SLIT2: variants seen among roughly 807,000 people sequenced by gnomAD.
SLIT2 encodes slit homolog 2 protein.
Under a neutral mutation model 185.7 loss-of-function variants are expected in SLIT2, and 41 were observed. The observed-to-expected ratio is 0.22, with a 90% CI of 0.17 to 0.29. The LOEUF (loss-of-function observed/expected upper bound fraction) is 0.29. Ranked by LOEUF, SLIT2 falls within the 10% of genes least tolerant of loss-of-function variation. The pLI, the probability that SLIT2 is intolerant of heterozygous loss-of-function variation, is 1.00. For synonymous variants in SLIT2, 693 were observed against 680.2 expected (o/e 1.02, Z -0.29); for missense variants, 1,571 against 1,909.0 (o/e 0.82, Z 3.30).
At chr4:20,617,733 G>GA (rs66600811) in intron 36 of SLIT2, 83 bp downstream of exon 36, 12,456 of 492,714 alleles carry the variant, frequency 0.025, no homozygotes, top group South Asian at 0.045. Context: ...GAGAAAAAGT[G>GA]AAAAAAAAAA....
intron 4 of SLIT2, among the ~76,000 whole-genome samples, chr4:20,447,890 A>G (rs1453407280): frequency 1.3e-5 from 2 of 152,208 alleles, no homozygotes; most frequent in Non-Finnish European, 2.9e-5. Flanking sequence ...TACTCATTGG[A>G]TATTTGAGGA....
chr4:20,554,864 G>A (rs1045913966), intron 26 of SLIT2, among the ~76,000 whole-genome samples: 4 of 151,658 alleles, frequency 2.6e-5, no homozygotes, highest in African/African-American at 4.8e-5. Flanking sequence ...CCCGGGTCCC[G>A]GCTCAAGCAA....
chr4:20,480,451 C>T (rs1007512006), intron 5 of SLIT2, among the ~76,000 whole-genome samples: 1 of 152,154 alleles, frequency 6.6e-6, no homozygotes, highest in South Asian at 2.1e-4. Flanking sequence ...AAATTGCATT[C>T]CTATGGCATT....
At chr4:20,349,607 A>G (rs747942932) in intron 4 of SLIT2, among the ~76,000 whole-genome samples, 6 of 152,210 alleles carry the variant, frequency 3.9e-5, no homozygotes, top group Non-Finnish European at 7.3e-5. Flanking sequence ...GTTCAGTATC[A>G]TTGTGTTTCC....
At chr4:20,469,291 G>A (rs1714698826) in intron 5 of SLIT2, among the ~76,000 whole-genome samples, 1 of 152,078 alleles carries the variant, frequency 6.6e-6, no homozygotes, top group Non-Finnish European at 1.5e-5. Context: ...GCTATTTGCA[G>A]TCTTACAGTA....
intron 4 of SLIT2, among the ~76,000 whole-genome samples, chr4:20,342,820 A>G (rs934265476): frequency 5.2e-5 from 7 of 135,120 alleles, no homozygotes; most frequent in African/African-American, 1.1e-4. Flanking sequence ...CTAGCTGTGG[A>G]TAGTGGTACA....
chr4:20,350,009 A>G (rs540682364), intron 4 of SLIT2, among the ~76,000 whole-genome samples: 1 of 152,344 alleles, frequency 6.6e-6, no homozygotes, highest in South Asian at 2.1e-4. Flanking sequence ...TGCATTCTAC[A>G]TGTGCATTCA....
At chr4:20,300,973 T>G (rs1215481037) in intron 4 of SLIT2, among the ~76,000 whole-genome samples, 1 of 152,112 alleles carries the variant, frequency 6.6e-6, no homozygotes. Flanking sequence ...CATTAGCCTT[T>G]GTGTTACCTT....
intron 4 of SLIT2, among the ~76,000 whole-genome samples, chr4:20,375,940 A>G (rs1423955920): frequency 6.6e-6 from 1 of 151,988 alleles, no homozygotes; most frequent in Non-Finnish European, 1.5e-5. Flanking sequence ...GCTTGTCATT[A>G]TGTGCATTAT....
At chr4:20,377,883 G>A (rs1446069487) in intron 4 of SLIT2, among the ~76,000 whole-genome samples, 4 of 152,106 alleles carry the variant, frequency 2.6e-5, no homozygotes, top group African/African-American at 9.7e-5. Flanking sequence ...GAATTTATAT[G>A]CATAGTTTGT....
intron 4 of SLIT2, among the ~76,000 whole-genome samples, chr4:20,269,847 C>T (rs1417162143): frequency 2.6e-5 from 4 of 151,804 alleles, no homozygotes; most frequent in African/African-American, 9.7e-5. Flanking sequence ...GGACTGTCCT[C>T]TCACACCCTT....
At chr4:20,398,894 G>A (rs895364394) in intron 4 of SLIT2, among the ~76,000 whole-genome samples, 2 of 151,726 alleles carry the variant, frequency 1.3e-5, no homozygotes, top group South Asian at 4.1e-4. Flanking sequence ...AAATTCTAAT[G>A]ATATTATAAA....
chr4:20,390,774 A>T (rs1429824447), intron 4 of SLIT2, among the ~76,000 whole-genome samples: 10 of 142,856 alleles, frequency 7.0e-5, no homozygotes, highest in East Asian at 2.4e-4. Context: ...TTTTTTTTAA[A>T]AAAAAATATA....
intron 4 of SLIT2, among the ~76,000 whole-genome samples, chr4:20,422,663 GTC>G (rs897182048): frequency 4.6e-5 from 7 of 152,236 alleles, no homozygotes; most frequent in Admixed American, 1.3e-4. Context: ...ATCAGGGCAA[GTC>G]TCTCTGAGAA....
intron 29 of SLIT2, among the ~76,000 whole-genome samples, chr4:20,576,292 A>G (rs974129463): frequency 2.4e-4 from 37 of 152,228 alleles, no homozygotes; most frequent in African/African-American, 7.7e-4. Flanking sequence ...TTCTCTCCCC[A>G]TATTGTTCAG....
intron 5 of SLIT2, among the ~76,000 whole-genome samples, chr4:20,472,255 G>GATATATAT (rs1191025385): frequency 0.03 from 647 of 21,864 alleles, 96 homozygotes; most frequent in Middle Eastern, 0.091. Context: ...TCTATATATA[G>GATATATAT]ATCTATATAT....
chr4:20,613,102 T>C (rs1729365113), intron 34 of SLIT2, among the ~76,000 whole-genome samples: 1 of 152,082 alleles, frequency 6.6e-6, no homozygotes, highest in African/African-American at 2.4e-5. Context: ...TGGCGATTCC[T>C]AAAGACCTAA....
At chr4:20,370,642 T>C (rs995185666) in intron 4 of SLIT2, among the ~76,000 whole-genome samples, 1 of 152,120 alleles carries the variant, frequency 6.6e-6, no homozygotes, top group African/African-American at 2.4e-5. Flanking sequence ...CTTATCTTTC[T>C]CCTCAAATCA....
chr4:20,255,905 A>G (rs953896415), intron 1 of SLIT2, among the ~76,000 whole-genome samples: 2 of 152,220 alleles, frequency 1.3e-5, no homozygotes, highest in Non-Finnish European at 2.9e-5. Flanking sequence ...GCCTGGTTTT[A>G]CTTGAAGTGA....
Sources: allele counts gnomAD v4.1 joint callset (sites outside exome capture counted in the v4.1 genomes callset), GRCh38; gene constraint gnomAD v4.1.1; transcripts MANE v1.5; gene names NCBI Gene and HGNC (gene_info 2026-07-23, HGNC 2026-07-21).